The following NDE1 variants were observed in gnomAD, a reference collection of about 807,000 sequenced individuals.
NDE1 encodes nuclear distribution protein nudE homolog 1.
NDE1 carries 28 observed loss-of-function variants against 43.4 expected under a neutral mutation model. That is an observed-to-expected ratio of 0.65 (90% CI 0.48 to 0.89). The LOEUF (loss-of-function observed/expected upper bound fraction) is 0.89, where lower values mean the gene tolerates loss of function less well. NDE1 is among the 40% of genes least tolerant of loss of function. The pLI is 0.00. For synonymous variants in NDE1, 184 were observed against 172.0 expected (o/e 1.07, Z -0.55); for missense variants, 441 against 434.1 (o/e 1.02, Z -0.14).
chr16:15,670,691 T>C (rs1342957885), intron 3 of NDE1, among the ~76,000 whole-genome samples: 1 of 149,688 alleles, frequency 6.7e-6, no homozygotes, highest in Non-Finnish European at 1.5e-5. Context: ...AAGAAAGGAC[T>C]GCATGGGTTG....
At chr16:15,662,156 C>T (rs2037078210) in intron 1 of NDE1, among the ~76,000 whole-genome samples, 1 of 151,878 alleles carries the variant, frequency 6.6e-6, no homozygotes, top group Non-Finnish European at 1.5e-5. Context: ...CCAGGCTGGT[C>T]TTGAACTCCT....
upstream of NDE1, among the ~76,000 whole-genome samples, chr16:15,647,710 C>T (rs141258482): frequency 3.3e-5 from 5 of 152,198 alleles, no homozygotes; most frequent in Non-Finnish European, 7.4e-5. Flanking sequence ...ATTCACTGTG[C>T]TGTAAGGGTG....
At chr16:15,715,165 T>C in intron 8 of NDE1, 2 of 1,613,600 alleles carry the variant, frequency 1.2e-6, no homozygotes, top group South Asian at 1.1e-5. Flanking sequence ...AGGGGCTACC[T>C]GCTCCTTGTA....
chr16:15,699,810 G>T (rs1395162482), intron 8 of NDE1: 14 of 1,351,268 alleles, frequency 1.0e-5, no homozygotes, highest in Non-Finnish European at 1.4e-5. Flanking sequence ...GGGTAGTCAA[G>T]ATGTTGCTTT....
intron 8 of NDE1, among the ~76,000 whole-genome samples, chr16:15,709,273 G>A (rs1382928988): frequency 6.6e-6 from 1 of 151,898 alleles, no homozygotes; most frequent in Non-Finnish European, 1.5e-5. Flanking sequence ...AGTCAACGTT[G>A]CAGTGAATCA....
At chr16:15,680,910 T>C (rs1284064165) in intron 4 of NDE1, among the ~76,000 whole-genome samples, 1 of 152,138 alleles carries the variant, frequency 6.6e-6, no homozygotes, top group African/African-American at 2.4e-5. Context: ...CTTTTGTTTG[T>C]TGACTTTGTC....
chr16:15,661,909 C>G (rs1464311432), intron 1 of NDE1, among the ~76,000 whole-genome samples: 2 of 151,708 alleles, frequency 1.3e-5, no homozygotes, highest in Non-Finnish European at 2.9e-5. Context: ...TTTTTGGAGT[C>G]CATTTCTGTT....
In NDE1 at chr16:15,724,259, T is replaced by A; in HGVS notation, c.*8T>A. On this transcript the variant is annotated 3_prime_UTR_variant, in exon 9 of 9. Transcript: ENST00000396354. ...TCGTCCAGCTCCTGCTGAAGCCTGT[T>A]CTTGGTCTTTTCCAGTTTATCATAA... is the stretch of plus-strand genomic sequence containing the variant. The A allele has an allele frequency of 6.2e-7, 1 of 1,614,200 alleles. No individual in the cohort carries two copies. Among genetic ancestry groups the A allele is most frequent in the Non-Finnish European group, 8.5e-7 (1 of 1,180,036 alleles).
intron 8 of NDE1, chr16:15,704,274 C>A: frequency 2.4e-6 from 2 of 840,846 alleles, no homozygotes; most frequent in Non-Finnish European, 3.7e-6. Flanking sequence ...AAATAAGATG[C>A]AGATATTCAA....
intron 4 of NDE1, among the ~76,000 whole-genome samples, chr16:15,679,113 A>G (rs2038042717): frequency 6.6e-6 from 1 of 150,884 alleles, no homozygotes; most frequent in African/African-American, 2.5e-5. Context: ...AAAAAAACAA[A>G]AAAAGCACAG....
At chr16:15,701,838 T>A (rs766998384) in intron 8 of NDE1, 16 of 152,346 alleles carry the variant, frequency 1.1e-4, no homozygotes, top group African/African-American at 3.8e-4. Context: ...TTTCTTACCC[T>A]AGAAACATCC....
chr16:15,675,609 C>T (rs1278197481), intron 3 of NDE1, among the ~76,000 whole-genome samples: 3 of 151,834 alleles, frequency 2.0e-5, no homozygotes, highest in Non-Finnish European at 2.9e-5. Flanking sequence ...GCTGTTTTCA[C>T]ATTTTTTGTA....
At chr16:15,659,687 C>T (rs1299712627) in intron 1 of NDE1, among the ~76,000 whole-genome samples, 1 of 151,070 alleles carries the variant, frequency 6.6e-6, no homozygotes, top group Non-Finnish European at 1.5e-5. Flanking sequence ...TTCACCTGCC[C>T]TGGCCTCCCA....
At chr16:15,704,776 C>A (rs566679849) in intron 8 of NDE1, among the ~76,000 whole-genome samples, 1 of 152,332 alleles carries the variant, frequency 6.6e-6, no homozygotes, top group African/African-American at 2.4e-5. Flanking sequence ...GTGGAACATA[C>A]CGCACATGGC....
chr16:15,667,074 C>G (rs1426312931), intron 2 of NDE1, among the ~76,000 whole-genome samples: 1 of 152,014 alleles, frequency 6.6e-6, no homozygotes, highest in Non-Finnish European at 1.5e-5. Context: ...GGTGAAACCC[C>G]GTCACTACTA....
intron 8 of NDE1, among the ~76,000 whole-genome samples, chr16:15,706,604 G>T (rs1235037800): frequency 6.6e-6 from 1 of 152,120 alleles, no homozygotes; most frequent in Non-Finnish European, 1.5e-5. Flanking sequence ...TCACTCAGGA[G>T]GCTGAGGCAG....
chr16:15,694,577 G>T (rs1176109889), intron 7 of NDE1: 2 of 950,508 alleles, frequency 2.1e-6, no homozygotes, highest in Non-Finnish European at 2.5e-6. Context: ...TAAACTCCTG[G>T]CCTCAAGTGA....
At chr16:15,678,805 G>C (rs1567640356) in intron 4 of NDE1, among the ~76,000 whole-genome samples, 1 of 152,114 alleles carries the variant, frequency 6.6e-6, no homozygotes, top group African/African-American at 2.4e-5. Flanking sequence ...GGCCAGGCAC[G>C]GTGGCTCACG....
chr16:15,718,453 G>T lies in NDE1; in HGVS notation c.948-5738G>T. On this transcript the variant is annotated intron_variant, in intron 8 of 8. Coordinates refer to ENST00000396354, the MANE Select transcript of NDE1 (RefSeq NM_017668.3). ...GGAGTGCGTTCCTGGGGGAAGGGCG[G>T]CCATGGTGGGGGCCTCTACCCTCCC... The T allele has an allele frequency of 6.5e-7, 1 of 1,547,132 alleles. No individual in the cohort carries two copies.
Sources: gnomAD v4.1 joint callset for allele counts (sites outside exome capture counted in the v4.1 genomes callset) on GRCh38, gnomAD v4.1.1 for gene constraint, MANE v1.5 for transcripts, NCBI Gene and HGNC (gene_info 2026-07-23, HGNC 2026-07-21) for gene names.